Variants in CNTNAP2 observed in about 807,000 individuals in gnomAD.
CNTNAP2 encodes the protein contactin associated protein 2.
Under a neutral mutation model 155.2 loss-of-function variants are expected in CNTNAP2, and 98 were observed. The ratio of observed to expected loss-of-function variants is 0.63; its 90% confidence interval spans 0.54 to 0.75. The LOEUF (loss-of-function observed/expected upper bound fraction) is 0.75. Ranked by LOEUF, CNTNAP2 falls within the 30% of genes least tolerant of loss-of-function variation. The pLI, the probability that CNTNAP2 is intolerant of heterozygous loss-of-function variation, is 0.00. For synonymous variants in CNTNAP2, 651 were observed against 631.2 expected, an observed-to-expected ratio of 1.03 and a Z score of -0.47; for missense variants, 1,727 against 1,688.1, an observed-to-expected ratio of 1.02 and a Z score of -0.40.
intron 17 of CNTNAP2, among the ~76,000 whole-genome samples, chr7:148,166,623 ATTAATCT>A (rs1352196562): frequency 6.6e-6 from 1 of 152,144 alleles, no homozygotes; most frequent in Non-Finnish European, 1.5e-5. Flanking sequence ...CATTTTCATA[ATTAATCT>A]TTAATTGCAA....
intron 15 of CNTNAP2, among the ~76,000 whole-genome samples, chr7:148,038,833 TGG>T (rs1802618002): frequency 7.2e-6 from 1 of 139,372 alleles, no homozygotes; most frequent in South Asian, 2.2e-4. Flanking sequence ...GATAGATGGA[TGG>T]ATGGATGGAT....
At position 147,434,670 on chromosome 7, in the gene CNTNAP2, G is replaced by A. The variant is rs138839370; in HGVS notation, c.1670+38890G>A. Among the ~76,000 whole-genome samples, 450 of 152,306 alleles carry A rather than the reference G, an allele frequency of 3.0e-3. 5 individuals carry two copies. Among genetic ancestry groups the A allele is most frequent in the African/African-American group, 0.01 (434 of 41,566 alleles). The stretch of plus-strand genomic sequence containing the variant: ...TGCTGACAACCAGGTATGAAAGCTG[G>A]TTTTGCTTATCTAAAAGAGTGGACT... On this transcript the variant is annotated intron_variant, in intron 10 of 23. Coordinates refer to ENST00000361727, the MANE Select transcript of CNTNAP2 (RefSeq NM_014141.6).
chr7:147,231,385 G>A (rs747862412), intron 8 of CNTNAP2, among the ~76,000 whole-genome samples: 1 of 152,150 alleles, frequency 6.6e-6, no homozygotes, highest in Non-Finnish European at 1.5e-5. Flanking sequence ...GAATAATGTG[G>A]CAATAGACAT....
intron 15 of CNTNAP2, among the ~76,000 whole-genome samples, chr7:148,020,885 A>G (rs1802268705): frequency 6.6e-6 from 1 of 152,250 alleles, no homozygotes; most frequent in Non-Finnish European, 1.5e-5. Flanking sequence ...AAAAAGGTCA[A>G]AAACAAGAAT....
At chr7:146,321,541 CTA>C (rs1801001307) in intron 1 of CNTNAP2, among the ~76,000 whole-genome samples, 1 of 152,142 alleles carries the variant, frequency 6.6e-6, no homozygotes. Flanking sequence ...GCACTACCTC[CTA>C]ACAGACCCCT....
At chr7:146,988,951 T>A (rs938480769) in intron 3 of CNTNAP2, among the ~76,000 whole-genome samples, 3 of 152,190 alleles carry the variant, frequency 2.0e-5, no homozygotes, top group Admixed American at 2.0e-4. Flanking sequence ...TACTTTGTAC[T>A]GCACAATCGC....
chr7:148,365,781 T>C (rs36111910), intron 21 of CNTNAP2, among the ~76,000 whole-genome samples: 29,871 of 60,938 alleles, frequency 0.49, 12,892 homozygotes, highest in East Asian at 0.73. Context: ...TACATGTATG[T>C]GTATGCATGT....
intron 1 of CNTNAP2, among the ~76,000 whole-genome samples, chr7:146,256,825 G>A (rs189449408): frequency 6.6e-6 from 1 of 152,114 alleles, no homozygotes; most frequent in Non-Finnish European, 1.5e-5. Flanking sequence ...CAAATAAAAT[G>A]TGTAAAATCA....
At chr7:147,149,009 A>G (rs1424708688) in intron 8 of CNTNAP2, among the ~76,000 whole-genome samples, 1 of 152,224 alleles carries the variant, frequency 6.6e-6, no homozygotes, top group Admixed American at 6.5e-5. Flanking sequence ...CATCTTCCAC[A>G]GCATGGAAGG....
At chr7:147,764,460 CT>C (rs1353161723) in intron 13 of CNTNAP2, among the ~76,000 whole-genome samples, 1 of 152,178 alleles carries the variant, frequency 6.6e-6, no homozygotes, top group African/African-American at 2.4e-5. Flanking sequence ...CTGTTATCAC[CT>C]GGATTCCCAG....
In CNTNAP2 at chr7:146,470,150, T is replaced by TTAAAC. The variant is rs1245218791; in HGVS notation, c.98-304117_98-304113dup. On this transcript the variant is annotated intron_variant, in intron 1 of 23. Coordinates refer to ENST00000361727, the MANE Select transcript of CNTNAP2 (RefSeq NM_014141.6). Reference sequence around the variant, plus strand: ...CACTGCGCGCGGCCTTAATTGACTTTTAAACTAATCACTCCTCTGTTTTTC... The same window carrying TTAAAC: ...CACTGCGCGCGGCCTTAATTGACTTTTAAACTAAACTAATCACTCCTCTGTTTTTC... Among the ~76,000 whole-genome samples the TTAAAC allele has an allele frequency of 2.6e-5, 4 of 152,324 alleles. No individual in the cohort carries two copies. In the East Asian group the frequency reaches 7.7e-4, roughly 29 times the overall value.
chr7:146,269,960 T>TCCA (rs1800054199), intron 1 of CNTNAP2, among the ~76,000 whole-genome samples: 1 of 152,214 alleles, frequency 6.6e-6, no homozygotes, highest in Non-Finnish European at 1.5e-5. Flanking sequence ...GCTGCTGTCT[T>TCCA]TGTTAAACAT....
intron 2 of CNTNAP2, among the ~76,000 whole-genome samples, chr7:146,807,545 A>G (rs2129192938): frequency 6.6e-6 from 1 of 152,206 alleles, no homozygotes; most frequent in Middle Eastern, 3.4e-3. Context: ...TATTATGCCA[A>G]TTTACATTTG....
Position 148,418,896 on chromosome 7 carries a change from A to G in CNTNAP2, c.*3280A>G, listed in dbSNP as rs1235401995. ...CAGAGGCACAAGAAAAAGCATTGGC[A>G]TGAGCCAAAGAGTCTGTCTTAATGT... is the stretch of plus-strand genomic sequence containing the variant. On this transcript the variant is annotated 3_prime_UTR_variant, in exon 24 of 24. Transcript: ENST00000361727. 2 of 152,270 alleles carry G rather than the reference A, an allele frequency of 1.3e-5. No homozygotes were observed. Among genetic ancestry groups the G allele is most frequent in the African/African-American group, 4.8e-5 (2 of 41,472 alleles). The allele number at this position is 152,270 out of a possible 1,614,324, so 9.4% of individuals were successfully genotyped here. A position where few individuals can be genotyped will look rare whatever the true frequency, so the allele number is the denominator to read the frequency against.
chr7:147,034,993 A>AG (rs60865365), intron 3 of CNTNAP2, among the ~76,000 whole-genome samples: 152,301 of 152,304 alleles, frequency 1, 76,149 homozygotes, highest in Non-Finnish European at 1. Context: ...GAGCCCCACC[A>AG]GGACCCTGCC....
At position 146,508,263 on chromosome 7, in the gene CNTNAP2, C is replaced by T. The variant is rs1010429186; in HGVS notation, c.98-266008C>T. ...GTGGCAGGACCTGGGGCCAGTGATA[C>T]GTATGTCCACCCGATAATGGCTCAA... is the stretch of plus-strand genomic sequence containing the variant. On this transcript the variant is annotated intron_variant, in intron 1 of 23. Transcript: ENST00000361727. Among the ~76,000 whole-genome samples the T allele has an allele frequency of 7.2e-5, 11 of 152,258 alleles. No homozygotes were observed. The East Asian group carries it at 1.4e-3, about 19-fold the overall frequency.
intron 1 of CNTNAP2, among the ~76,000 whole-genome samples, chr7:146,586,270 C>T (rs1424051331): frequency 6.6e-6 from 1 of 151,882 alleles, no homozygotes; most frequent in African/African-American, 2.4e-5. Context: ...TTATGAATTC[C>T]CACTCTAAAT....
intron 1 of CNTNAP2, among the ~76,000 whole-genome samples, chr7:146,716,316 C>T (rs1333030579): frequency 6.6e-6 from 1 of 151,408 alleles, no homozygotes; most frequent in African/African-American, 2.4e-5. Context: ...TTATACATAC[C>T]ATTTCCCCTC....
chr7:148,396,792 T>A (rs1241287598), intron 22 of CNTNAP2, among the ~76,000 whole-genome samples: 1 of 152,222 alleles, frequency 6.6e-6, no homozygotes, highest in African/African-American at 2.4e-5. Flanking sequence ...TGCTGTTGAG[T>A]TTGTTCCTGA....
Sources: gnomAD v4.1 joint callset for allele counts (sites outside exome capture counted in the v4.1 genomes callset) on GRCh38, gnomAD v4.1.1 for gene constraint, MANE v1.5 for transcripts, NCBI Gene and HGNC (gene_info 2026-07-23, HGNC 2026-07-21) for gene names.